Variants in PELI3 observed in about 807,000 individuals in gnomAD.
PELI3 encodes E3 ubiquitin-protein ligase pellino homolog 3.
Under a neutral mutation model 35.5 loss-of-function variants are expected in PELI3, and 19 were observed. The ratio of observed to expected loss-of-function variants is 0.54; its 90% confidence interval spans 0.37 to 0.79. PELI3 has a LOEUF of 0.79. Among genes scored for constraint, PELI3 ranks in the 30% least tolerant of loss-of-function variants. PELI3 has a pLI of 0.00. For synonymous variants in PELI3, 262 were observed against 279.2 expected (o/e 0.94, Z 0.62); for missense variants, 490 against 661.2 (o/e 0.74, Z 2.84).
rs751671431 is a variant in PELI3 at position 66,476,135 on chromosome 11, G to A, written c.1378G>A (p.Val460Ile). ...CTGGCTTACCGGCGAGCATGGCTGC[G>A]TCCGCCTCATTTTCCAGGGCCCGCT... ...GAWLTGEHGCVRLIFQGPLD is the reference protein window; with the variant it reads ...GAWLTGEHGCIRLIFQGPLD The change falls in exon 8 of 8, where the codon GTC becomes ATC. Residue 460 changes from valine (V) to isoleucine (I), a missense_variant. By Grantham distance (29) the Val-to-Ile change is conservative. This residue lies in a region of PELI3 where 349 missense variants were observed against 484.8 expected (regional missense o/e 0.72). Coordinates refer to ENST00000320740, the MANE Select transcript of PELI3 (RefSeq NM_145065.3). 90 of 1,570,908 alleles carry A rather than the reference G, an allele frequency of 5.7e-5. No individual in the cohort carries two copies. Among genetic ancestry groups the A allele is most frequent in the Middle Eastern group, 1.8e-4 (1 of 5,712 alleles).
rs1468554680 is a variant in PELI3, at chr11:66,468,230, T to C, written c.102T>C (p.Asp34=). Residue 34 remains aspartate, a synonymous_variant, in exon 2 of 8, where the codon GAT becomes GAC. Transcript: ENST00000320740. ...GCGTTCTCTCCTCTCCCGGTGAAGA[T>C]GCGCAGCCAGGCGAGGAGCCCATCA... ...GSCVLSSPGE[D]AQPGEEPIKY... 1 of 1,597,576 alleles carries C rather than the reference T, an allele frequency of 6.3e-7. No individual in the cohort carries two copies. Among genetic ancestry groups the C allele is most frequent in the East Asian group, 2.3e-5 (1 of 43,534 alleles).
At chr11:66,471,953 G>A (rs1854733606) in intron 4 of PELI3, among the ~76,000 whole-genome samples, 1 of 151,982 alleles carries the variant, frequency 6.6e-6, no homozygotes, top group Non-Finnish European at 1.5e-5. Flanking sequence ...TCTGCCTCCC[G>A]GGTTCAAGCC....
intron 3 of PELI3, among the ~76,000 whole-genome samples, chr11:66,469,815 T>TTTTTTTTTTTTA (rs1854658873): frequency 6.7e-6 from 1 of 149,574 alleles, no homozygotes; most frequent in Non-Finnish European, 1.5e-5. Context: ...TTTTTTTTTT[T>TTTTTTTTTTTTA]TTGAGACAGA....
chr11:66,471,181 ACTTTCTCT>A (rs1373549790), intron 3 of PELI3, 53 bp from the exon 4 acceptor site: 8 of 1,527,682 alleles, frequency 5.2e-6, no homozygotes, highest in African/African-American at 1.4e-5. Flanking sequence ...TCAGGGGTTC[ACTTTCTCT>A]CTTTCTCTCT....
In PELI3 at chr11:66,473,521, C is replaced by T; in HGVS notation, c.651+86C>T. 1 of 1,440,762 alleles carries T rather than the reference C, an allele frequency of 6.9e-7. No homozygotes were observed. 89.2% of individuals were successfully genotyped at this position (1,440,762 alleles called of 1,614,324 possible). On this transcript the variant is annotated intron_variant, in intron 6 of 7. Transcript: ENST00000320740. This position sits in a 1 kb window ranked among gnomAD's most constrained non-coding sequence, Gnocchi z 5.8. The stretch of plus-strand genomic sequence containing the variant: ...GGTGCAGCATCTTGAGGTGATGAAC[C>T]AGCCCACAGTAATCCAAATGGTGGT...
rs1489981841 is a variant in PELI3, at chr11:66,475,862, C to T, written c.1105C>T (p.His369Tyr). 4 of 1,607,030 alleles carry T rather than the reference C, an allele frequency of 2.5e-6. No homozygotes were observed. The highest frequency in any genetic ancestry group is 3.4e-6 in the Non-Finnish European group (4 of 1,177,752). ...YVRCGHVHGY[H>Y]GWGCRRERGP... ...CCGCTGCGGGCACGTCCATGGCTAC[C>T]ACGGCTGGGGCTGCCGGCGGGAGCG... The change falls in exon 8 of 8, where the codon CAC becomes TAC. Residue 369 changes from histidine to tyrosine, a missense_variant. By Grantham distance (83) the His-to-Tyr change is moderately conservative (BLOSUM62 2). Around this residue, in one of 3 missense-constraint regions of PELI3, gnomAD observed 349 missense variants for 484.8 expected, o/e 0.72. Transcript: ENST00000320740.
Position 66,469,791 on chromosome 11 carries a change from G to GTTTTTTTTTTTT in PELI3, c.224+888_224+899dup, listed in dbSNP as rs34461329. ...CGCAGTGGGTGGGACCAGGGAATCT[G>GTTTTTTTTTTTT]TTTTTTTTTTTTGTTTTTTTTTTTT... On this transcript the variant is annotated intron_variant, in intron 3 of 7. Coordinates refer to ENST00000320740, the MANE Select transcript of PELI3 (RefSeq NM_145065.3). 1.8e-4 allele frequency among the ~76,000 whole-genome samples: 22 copies of GTTTTTTTTTTTT among 124,594 alleles called. 1 individual carries two copies. The highest frequency in any genetic ancestry group is 5.9e-4 in the African/African-American group (19 of 32,220). The allele number at this position is 124,594 out of a possible 152,430, so 81.7% of individuals were successfully genotyped here. A position where few individuals can be genotyped will look rare whatever the true frequency, so the allele number is the denominator to read the frequency against.
At position 66,476,779 on chromosome 11, in the gene PELI3, C is replaced by G. The variant is rs977201851; in HGVS notation, c.*612C>G. ...CAGAGGCAATCAGACCTGGTTCCCCCCCTGGTGGAGTTCACAGTCTAGTGG... is the reference window on the plus strand; with the variant it reads ...CAGAGGCAATCAGACCTGGTTCCCCGCCTGGTGGAGTTCACAGTCTAGTGG... On this transcript the variant is annotated 3_prime_UTR_variant, in exon 8 of 8. Coordinates refer to ENST00000320740, the MANE Select transcript of PELI3 (RefSeq NM_145065.3). 2.6e-5 allele frequency: 4 copies of G among 152,976 alleles called. No individual in the cohort carries two copies. Among genetic ancestry groups the G allele is most frequent in the African/African-American group, 9.7e-5 (4 of 41,450 alleles). The allele number at this position is 152,976 out of a possible 1,614,324, so 9.5% of individuals were successfully genotyped here.
chr11:66,470,905 G>A (rs1854691933), intron 3 of PELI3, among the ~76,000 whole-genome samples: 1 of 152,146 alleles, frequency 6.6e-6, no homozygotes, highest in Admixed American at 6.5e-5. Flanking sequence ...GAGAAGCTGA[G>A]GAACCCCTCC....
At position 66,467,638 on chromosome 11, in the gene PELI3, A is replaced by C. The variant is rs1002304584; in HGVS notation, c.-1-490A>C. On this transcript the variant is annotated intron_variant, in intron 1 of 7. Coordinates refer to ENST00000320740, the MANE Select transcript of PELI3 (RefSeq NM_145065.3). This position sits in a 1 kb window ranked among gnomAD's most constrained non-coding sequence, Gnocchi z 4.2. ...CAAAAAGGACAGCGGCTGGGAGGAC[A>C]GAGAGTCATTGAGAAAGCAGATGGA... 6.5e-6 allele frequency: 1 copy of C among 154,022 alleles called. No individual in the cohort carries two copies. The highest frequency in any genetic ancestry group is 2.4e-5 in the African/African-American group (1 of 41,488). 9.5% of individuals were successfully genotyped at this position (154,022 alleles called of 1,614,324 possible).
intron 1 of PELI3, 51 bp from the exon 2 acceptor site, chr11:66,468,077 C>G: frequency 1.3e-6 from 2 of 1,518,630 alleles, no homozygotes; most frequent in South Asian, 1.2e-5. Flanking sequence ...TGGAATTGAG[C>G]CGGGCTGGGG....
chr11:66,468,419 T>A, intron 2 of PELI3, 139 bp downstream of exon 2: 1 of 838,666 alleles, frequency 1.2e-6, no homozygotes, highest in African/African-American at 1.8e-5. Context: ...AAAGACAAAA[T>A]TGACCAAACC....
rs1430530872 is a variant in PELI3, at chr11:66,473,261, C to T, written c.477C>T (p.Asn159=). Residue 159 remains asparagine (N), a synonymous_variant, in exon 6 of 8, where the codon AAC becomes AAT. Coordinates refer to ENST00000320740, the MANE Select transcript of PELI3 (RefSeq NM_145065.3). The surrounding 1 kb of genome is among the most constrained non-coding windows in gnomAD (Gnocchi z 5.8). Reference sequence around the variant, plus strand: ...CACAGATTGGCCGCTCCACAGAGAACATGATTGACTTCGTGGTAACAGACA... The same window carrying T: ...CACAGATTGGCCGCTCCACAGAGAATATGATTGACTTCGTGGTAACAGACA... ...DMFQIGRSTE[N]MIDFVVTDTS... is the part of the protein sequence containing the mutation. The T allele has an allele frequency of 2.5e-6, 4 of 1,612,520 alleles. No homozygotes were observed. The African/African-American group carries it at 5.3e-5, about 21-fold the overall frequency.
intron 3 of PELI3, 108 bp from the exon 4 acceptor site, chr11:66,471,134 G>T: frequency 7.3e-7 from 1 of 1,364,326 alleles, no homozygotes. Flanking sequence ...ATTAAGGTAG[G>T]ATCTGCCTAG....
At chr11:66,471,807 G>A (rs948997351) in intron 4 of PELI3, among the ~76,000 whole-genome samples, 3 of 152,184 alleles carry the variant, frequency 2.0e-5, no homozygotes, top group East Asian at 3.9e-4. Context: ...TGTGCCTTTA[G>A]GCCAGTTTCT....
intron 4 of PELI3, among the ~76,000 whole-genome samples, chr11:66,472,088 A>T (rs974716337): frequency 6.9e-6 from 1 of 145,696 alleles, no homozygotes; most frequent in Non-Finnish European, 1.5e-5. Flanking sequence ...TGGCCAGGCC[A>T]GTCTTGAACT....
At position 66,469,530 on chromosome 11, in the gene PELI3, A is replaced by G. The variant is rs539820052; in HGVS notation, c.224+626A>G. ...AGAAGAGCTCACAAGGGCAAAAGTG[A>G]TGTCTCCCTTGGGAGAAGCTGCCTT... On this transcript the variant is annotated intron_variant, in intron 3 of 7. Coordinates refer to ENST00000320740, the MANE Select transcript of PELI3 (RefSeq NM_145065.3). Among the ~76,000 whole-genome samples the G allele has an allele frequency of 3.3e-5, 5 of 152,324 alleles. No homozygotes were observed. In the South Asian group the frequency reaches 1.0e-3, roughly 32 times the overall value.
chr11:66,471,462 CA>C (rs1854713787), intron 4 of PELI3, 91 bp downstream of exon 4: 1 of 1,497,046 alleles, frequency 6.7e-7, no homozygotes, highest in Non-Finnish European at 9.1e-7. Context: ...CCACAGCCCC[CA>C]CACCTTAACA....
intron 7 of PELI3, 106 bp from the exon 8 acceptor site, chr11:66,475,492 C>T: frequency 2.3e-6 from 3 of 1,277,572 alleles, no homozygotes. Context: ...CTCTGCCCTG[C>T]CTGCCCTGCC....
Sources: gnomAD v4.1 joint callset for allele counts (sites outside exome capture counted in the v4.1 genomes callset) on GRCh38, gnomAD v4.1.1 for gene constraint, gnomAD v4.1.1 regional missense constraint, Gnocchi (gnomAD v3.1) non-coding constraint, MANE v1.5 for transcripts, NCBI Gene and HGNC (gene_info 2026-07-23, HGNC 2026-07-21) for gene names.